The following NALF1 variants were observed in gnomAD, a reference collection of about 807,000 sequenced individuals.
NALF1 encodes NALCN channel auxiliary factor 1, also known as family with sequence similarity 155 member A.
Under a neutral mutation model 48.4 loss-of-function variants are expected in NALF1, and 3 were observed. The ratio of observed to expected loss-of-function variants is 0.06; its 90% confidence interval spans 0.03 to 0.16. The LOEUF (loss-of-function observed/expected upper bound fraction) is 0.16, where lower values mean the gene tolerates loss of function less well. NALF1 is among the 10% of genes least tolerant of loss of function. NALF1 has a pLI of 1.00. For synonymous variants in NALF1, 262 were observed against 245.7 expected (o/e 1.07, Z -0.62); for missense variants, 526 against 571.5 (o/e 0.92, Z 0.81).
intron 1 of NALF1, among the ~76,000 whole-genome samples, chr13:107,715,344 A>G (rs896146048): frequency 1.3e-5 from 2 of 152,044 alleles, no homozygotes; most frequent in Non-Finnish European, 2.9e-5. Flanking sequence ...CTGGGATTAC[A>G]GGCATGTACC....
intron 1 of NALF1, among the ~76,000 whole-genome samples, chr13:107,565,396 A>AAAG (rs1298263921): frequency 1.3e-5 from 2 of 151,160 alleles, no homozygotes; most frequent in African/African-American, 4.8e-5. Context: ...AAAAAAAAAA[A>AAAG]AAAAGTAAAA....
intron 1 of NALF1, among the ~76,000 whole-genome samples, chr13:107,292,365 T>C (rs1353686307): frequency 6.6e-6 from 1 of 152,204 alleles, no homozygotes; most frequent in Non-Finnish European, 1.5e-5. Context: ...TGTACACTAA[T>C]TTTTTTAAAC....
intron 1 of NALF1, among the ~76,000 whole-genome samples, chr13:107,708,474 C>G (rs1239037382): frequency 6.6e-6 from 1 of 152,086 alleles, no homozygotes; most frequent in Admixed American, 6.6e-5. Context: ...TCTTAAATAT[C>G]TGGGGTAGGA....
intron 1 of NALF1, among the ~76,000 whole-genome samples, chr13:107,272,574 CA>C: frequency 6.6e-6 from 1 of 151,684 alleles, no homozygotes; most frequent in African/African-American, 2.4e-5. Flanking sequence ...TCTTCACTTA[CA>C]TTTATATGAT....
At chr13:107,309,327 T>C (rs1466647592) in intron 1 of NALF1, among the ~76,000 whole-genome samples, 1 of 152,248 alleles carries the variant, frequency 6.6e-6, no homozygotes, top group Non-Finnish European at 1.5e-5. Flanking sequence ...TTCTGATTTC[T>C]CTCTCACATT....
At chr13:107,738,134 TTAAG>T (rs1270572280) in intron 1 of NALF1, among the ~76,000 whole-genome samples, 3 of 152,200 alleles carry the variant, frequency 2.0e-5, no homozygotes, top group Non-Finnish European at 4.4e-5. Flanking sequence ...TCCGTCTCAT[TTAAG>T]TGTTTATTTC....
intron 1 of NALF1, among the ~76,000 whole-genome samples, chr13:107,338,717 T>G (rs1882607441): frequency 1.3e-5 from 2 of 152,220 alleles, no homozygotes; most frequent in Admixed American, 1.3e-4. Context: ...CTATTATTAT[T>G]ACATAATACA....
In NALF1 at chr13:107,399,924, A is replaced by G. The variant is rs530162267; in HGVS notation, c.916-189169T>C. 2.5e-4 allele frequency among the ~76,000 whole-genome samples: 38 copies of G among 152,322 alleles called. No homozygotes were observed. In the South Asian group the frequency reaches 7.4e-3, roughly 30 times the overall value. ...ATTATTTACATAAAATTATCTATCA[A>G]ATAAAATCATTTCATAATAATGCTC... On this transcript the variant is annotated intron_variant, in intron 1 of 2. Transcript: ENST00000375915.
intron 1 of NALF1, among the ~76,000 whole-genome samples, chr13:107,533,851 T>C (rs992491642): frequency 2.6e-5 from 4 of 152,134 alleles, no homozygotes; most frequent in Non-Finnish European, 4.4e-5. Flanking sequence ...AGGGAGTGTC[T>C]TTGTCATTGA....
At chr13:107,471,978 A>C (rs1216107852) in intron 1 of NALF1, among the ~76,000 whole-genome samples, 1 of 152,232 alleles carries the variant, frequency 6.6e-6, no homozygotes, top group African/African-American at 2.4e-5. Flanking sequence ...TGAACTTACC[A>C]ACAGTACTTT....
chr13:107,671,127 AATT>A (rs1293901921), intron 1 of NALF1, among the ~76,000 whole-genome samples: 1 of 152,180 alleles, frequency 6.6e-6, no homozygotes, highest in Non-Finnish European at 1.5e-5. Flanking sequence ...CATTTTATAA[AATT>A]ATTATTTAAA....
At chr13:107,358,670 A>G (rs1231484374) in intron 1 of NALF1, among the ~76,000 whole-genome samples, 3 of 152,194 alleles carry the variant, frequency 2.0e-5, no homozygotes, top group Non-Finnish European at 4.4e-5. Context: ...TCATCAGAAG[A>G]GTAAACTCTA....
rs541903107 is a variant in NALF1 at position 107,464,073 on chromosome 13, C to T, written c.916-253318G>A. ...TCCAGGTTCCAATCCACCTGCCTGA[C>T]CCCAAAACTCATGCTCACAACCAGG... On this transcript the variant is annotated intron_variant, in intron 1 of 2. Coordinates refer to ENST00000375915, the MANE Select transcript of NALF1 (RefSeq NM_001080396.3). Among the ~76,000 whole-genome samples, 3 of 152,226 alleles carry T rather than the reference C, an allele frequency of 2.0e-5. No individual in the cohort carries two copies. In the South Asian group the frequency reaches 6.2e-4, roughly 32 times the overall value.
intron 1 of NALF1, among the ~76,000 whole-genome samples, chr13:107,555,135 C>A (rs1279780536): frequency 6.6e-6 from 1 of 152,012 alleles, no homozygotes; most frequent in Non-Finnish European, 1.5e-5. Flanking sequence ...AAGCAGGCTG[C>A]TTAATTATAT....
chr13:107,274,876 G>A (rs186992109), intron 1 of NALF1, among the ~76,000 whole-genome samples: 189 of 152,138 alleles, frequency 1.2e-3, no homozygotes, highest in Middle Eastern at 6.8e-3. Flanking sequence ...CTGCTTGGAA[G>A]CCAAAAAAAT....
intron 1 of NALF1, among the ~76,000 whole-genome samples, chr13:107,218,378 T>A (rs923926647): frequency 1.3e-5 from 2 of 152,154 alleles, no homozygotes; most frequent in Non-Finnish European, 2.9e-5. Context: ...CCTGGATGTA[T>A]CTGGCAGAAA....
intron 1 of NALF1, among the ~76,000 whole-genome samples, chr13:107,357,602 C>T (rs1566494444): frequency 6.6e-6 from 1 of 152,068 alleles, no homozygotes; most frequent in African/African-American, 2.4e-5. Context: ...GACCAGGAAA[C>T]GCCTTATAAA....
chr13:107,298,681 C>T (rs1421566288), intron 1 of NALF1, among the ~76,000 whole-genome samples: 2 of 152,108 alleles, frequency 1.3e-5, no homozygotes, highest in African/African-American at 2.4e-5. Context: ...CCACCCGCCT[C>T]AGCCTCCTAA....
At chr13:107,376,986 C>CG (rs1299941572) in intron 1 of NALF1, among the ~76,000 whole-genome samples, 1 of 152,184 alleles carries the variant, frequency 6.6e-6, no homozygotes, top group African/African-American at 2.4e-5. Context: ...TCTCTGGCCG[C>CG]ATTTAATGCC....
Sources: gnomAD v4.1 joint callset for allele counts (sites outside exome capture counted in the v4.1 genomes callset) on GRCh38, gnomAD v4.1.1 for gene constraint, MANE v1.5 for transcripts, NCBI Gene and HGNC (gene_info 2026-07-23, HGNC 2026-07-21) for gene names.